The following KIAA1217 variants were observed in gnomAD, a reference collection of about 807,000 sequenced individuals.
KIAA1217 encodes the protein KIAA1217.
Under a neutral mutation model 163.9 loss-of-function variants are expected in KIAA1217, and 88 were observed. The ratio of observed to expected loss-of-function variants is 0.54; its 90% CI spans 0.45 to 0.64. The LOEUF is 0.64. Ranked by LOEUF, KIAA1217 falls within the 30% of genes least tolerant of loss-of-function variation. The probability of loss-of-function intolerance (pLI) is 0.00; values close to 1 mark genes in which losing one functional copy is unlikely to be tolerated. For missense variants in KIAA1217, 2,372 were observed against 2,475.0 expected, an observed-to-expected ratio of 0.96 and a Z score of 0.88; for synonymous variants, 903 against 923.1, an observed-to-expected ratio of 0.98 and a Z score of 0.39.
chr10:24,179,415 C>T (rs900699495), intron 2 of KIAA1217, among the ~76,000 whole-genome samples: 10 of 152,240 alleles, frequency 6.6e-5, no homozygotes, highest in Admixed American at 2.6e-4. Flanking sequence ...TACCTCCCCC[C>T]TCACTTCCTC....
intron 1 of KIAA1217, among the ~76,000 whole-genome samples, chr10:23,803,252 G>T (rs148789485): frequency 1.2e-4 from 19 of 152,310 alleles, no homozygotes; most frequent in African/African-American, 4.6e-4. Context: ...ACACTCTGGT[G>T]CCCAGCTCAT....
At chr10:24,193,764 T>C (rs892486149) in intron 2 of KIAA1217, among the ~76,000 whole-genome samples, 1 of 144,466 alleles carries the variant, frequency 6.9e-6, no homozygotes, top group Non-Finnish European at 1.5e-5. Context: ...TACTCAAGGA[T>C]TTTTTTTTTT....
intron 1 of KIAA1217, among the ~76,000 whole-genome samples, chr10:23,876,257 C>T (rs1466653361): frequency 6.6e-6 from 1 of 151,654 alleles, no homozygotes; most frequent in Non-Finnish European, 1.5e-5. Context: ...CAGGTTCTCA[C>T]CTGTAAGTGG....
chr10:23,703,325 C>A (rs978497610), intron 1 of KIAA1217, among the ~76,000 whole-genome samples: 2 of 152,222 alleles, frequency 1.3e-5, no homozygotes, highest in Middle Eastern at 6.8e-3. Context: ...TTTGCAAGAA[C>A]GGGACATTGC....
intron 3 of KIAA1217, among the ~76,000 whole-genome samples, chr10:24,412,060 A>G (rs753367520): frequency 6.6e-5 from 10 of 152,138 alleles, no homozygotes; most frequent in Non-Finnish European, 1.0e-4. Flanking sequence ...TGCCAGAATC[A>G]TCAGTGTAAC....
intron 1 of KIAA1217, among the ~76,000 whole-genome samples, chr10:23,820,560 G>A (rs1278190521): frequency 1.3e-5 from 2 of 152,224 alleles, no homozygotes; most frequent in African/African-American, 4.8e-5. Context: ...TATGGAGGAA[G>A]TGAGTTTTGA....
chr10:24,048,356 A>G (rs772245577), intron 2 of KIAA1217, among the ~76,000 whole-genome samples: 1 of 152,260 alleles, frequency 6.6e-6, no homozygotes, highest in Non-Finnish European at 1.5e-5. Flanking sequence ...CCAATTAAAT[A>G]TAGTATGAGC....
intron 1 of KIAA1217, among the ~76,000 whole-genome samples, chr10:23,732,864 C>T (rs11013675): frequency 0.22 from 33,218 of 151,986 alleles, 3,871 homozygotes; most frequent in Middle Eastern, 0.29. Flanking sequence ...AGAACTTTAA[C>T]ATTGCTCTTT....
At chr10:23,850,815 G>A (rs189375328) in intron 1 of KIAA1217, among the ~76,000 whole-genome samples, 84 of 152,114 alleles carry the variant, frequency 5.5e-4, no homozygotes, top group African/African-American at 1.9e-3. Context: ...TCACAATCAT[G>A]GTAGAAGGTG....
At chr10:24,294,680 G>C (rs2079504724) in intron 2 of KIAA1217, among the ~76,000 whole-genome samples, 1 of 152,196 alleles carries the variant, frequency 6.6e-6, no homozygotes, top group African/African-American at 2.4e-5. Context: ...CCTTAGAAAA[G>C]TTTTCATTTA....
intron 1 of KIAA1217, among the ~76,000 whole-genome samples, chr10:23,789,904 CATAT>C (rs1196041252): frequency 2.9e-4 from 42 of 143,906 alleles, no homozygotes; most frequent in African/African-American, 1.0e-3. Context: ...ATGATATATA[CATAT>C]ACATATGCAT....
At chr10:24,520,057 G>A (rs886661233) in intron 10 of KIAA1217, 66 bp from the exon 11 acceptor site, 2 of 1,520,580 alleles carry the variant, frequency 1.3e-6, no homozygotes, top group South Asian at 1.3e-5. Flanking sequence ...ACGGGCACTC[G>A]GCCCCTCCTC....
intron 2 of KIAA1217, among the ~76,000 whole-genome samples, chr10:24,262,710 T>C (rs1239397051): frequency 6.6e-6 from 1 of 152,054 alleles, no homozygotes; most frequent in African/African-American, 2.4e-5. Flanking sequence ...ATCTGAGGTT[T>C]CTTTCAAGAT....
In KIAA1217 at chr10:24,546,039, C is replaced by T. The variant is rs750755171; in HGVS notation, c.5547C>T (p.His1849=). ...PLSPQTGPPA[H]SASLIPSVSN... is the part of the protein sequence containing the mutation. The stretch of plus-strand genomic sequence containing the variant: ...GCCCCCAAACAGGACCACCTGCTCA[C>T]TCTGCCTCCCTCATCCCTTCTGTCT... The change falls in exon 21 of 21, where the codon CAC becomes CAT. Residue 1849 remains histidine, a synonymous_variant. Transcript: ENST00000376454. 1.9e-6 allele frequency: 3 copies of T among 1,614,232 alleles called. No individual in the cohort carries two copies. Among genetic ancestry groups the T allele is most frequent in the Non-Finnish European group, 2.5e-6 (3 of 1,180,040 alleles).
Position 24,501,729 on chromosome 10 carries a change from C to CTTTTTTTTTTTTTT in KIAA1217, c.2001+208_2001+221dup, listed in dbSNP as rs71397953. On this transcript the variant is annotated intron_variant, in intron 9 of 20. Transcript: ENST00000376454. ...AACTATAGTCAATCTATAACCACTT[C>CTTTTTTTTTTTTTT]TTTTTTTTTTTTTTTTTTTTTTTTT... Among the ~76,000 whole-genome samples, 4 of 51,472 alleles carry CTTTTTTTTTTTTTT rather than the reference C, an allele frequency of 7.8e-5. 2 individuals carry two copies. The highest frequency in any genetic ancestry group is 1.4e-4 in the Non-Finnish European group (4 of 28,362). The allele number at this position is 51,472 out of a possible 152,430, so 33.8% of individuals were successfully genotyped here.
In KIAA1217 at chr10:23,965,737, T is replaced by C. The variant is rs567140487; in HGVS notation, c.-320-41488T>C. 4.6e-5 allele frequency among the ~76,000 whole-genome samples: 7 copies of C among 152,304 alleles called. No individual in the cohort carries two copies. In the South Asian group the frequency reaches 1.5e-3, roughly 32 times the overall value. On this transcript the variant is annotated intron_variant, in intron 1 of 18. Coordinates refer to the KIAA1217 transcript ENST00000376462. ...ATCTTCAGCACAGAGGGAGTGGGAA[T>C]GCTGCCTTCTGTGGTGACCTGGAGT... is the stretch of plus-strand genomic sequence containing the variant.
chr10:24,437,906 C>CAAAAAAAAAAAAAAAA (rs58645832), intron 4 of KIAA1217, among the ~76,000 whole-genome samples: 4 of 63,694 alleles, frequency 6.3e-5, no homozygotes, highest in Non-Finnish European at 8.5e-5. Context: ...TGTTTGAAGG[C>CAAAAAAAAAAAAAAAA]AAAAAAAAAA....
chr10:24,268,445 A>G (rs1407552948), intron 2 of KIAA1217, among the ~76,000 whole-genome samples: 1 of 143,770 alleles, frequency 7.0e-6, no homozygotes, highest in Middle Eastern at 3.5e-3. Flanking sequence ...GCAGCCAAAA[A>G]ACACATGAAA....
intron 2 of KIAA1217, among the ~76,000 whole-genome samples, chr10:24,222,804 T>A (rs1239650019): frequency 6.6e-6 from 1 of 152,120 alleles, no homozygotes; most frequent in Non-Finnish European, 1.5e-5. Context: ...GCCCCCATGC[T>A]GACAAAAGGA....
Sources: allele counts gnomAD v4.1 joint callset (sites outside exome capture counted in the v4.1 genomes callset), GRCh38; gene constraint gnomAD v4.1.1; transcripts MANE v1.5; gene names NCBI Gene and HGNC (gene_info 2026-07-23, HGNC 2026-07-21).